SWT1: variants seen among roughly 807,000 people sequenced by gnomAD.
SWT1 encodes transcriptional protein SWT1.
In SWT1, 33 loss-of-function variants were observed where a neutral mutation model predicts 107.3. The ratio of observed to expected loss-of-function variants is 0.31; its 90% CI spans 0.23 to 0.41. SWT1 has a LOEUF of 0.41. SWT1 is among the 10% of genes least tolerant of loss of function. The pLI, the probability that SWT1 is intolerant of heterozygous loss-of-function variation, is 1.00. For missense variants in SWT1, 898 were observed against 1,028.9 expected (o/e 0.87, Z 1.74); for synonymous variants, 345 against 348.3 (o/e 0.99, Z 0.11).
intron 16 of SWT1, chr1:185,258,087 G>A (rs1359338263): frequency 1.3e-5 from 2 of 152,012 alleles, no homozygotes; most frequent in African/African-American, 4.8e-5. Context: ...ACATACTGTT[G>A]TTAGTTTTTC....
intron 16 of SWT1, among the ~76,000 whole-genome samples, chr1:185,259,137 TTTC>T (rs1234453057): frequency 6.6e-6 from 1 of 152,174 alleles, no homozygotes; most frequent in Non-Finnish European, 1.5e-5. Flanking sequence ...GGTGAAAGTT[TTTC>T]TTTTCACCCT....
At chr1:185,277,411 C>T (rs1204213648) in intron 18 of SWT1, among the ~76,000 whole-genome samples, 1 of 152,174 alleles carries the variant, frequency 6.6e-6, no homozygotes, top group African/African-American at 2.4e-5. Flanking sequence ...GCCTCACCCT[C>T]CCAAGTAGCT....
rs769503725 is a variant in SWT1 at position 185,204,664 on chromosome 1, C to G, written c.1670-36C>G. ...TTATATGTATAATAATTACTGTTAG[C>G]ATTCTAAATAAAGTCTGTAACTATT... On this transcript the variant is annotated intron_variant, in intron 11 of 18. Coordinates refer to ENST00000367500, the MANE Select transcript of SWT1 (RefSeq NM_017673.7). The G allele has an allele frequency of 2.4e-6, 3 of 1,247,470 alleles. No homozygotes were observed. The South Asian group carries it at 4.4e-5, about 18-fold the overall frequency. 77.3% of individuals were successfully genotyped at this position (1,247,470 alleles called of 1,614,324 possible). A position where few individuals can be genotyped will look rare whatever the true frequency, so the allele number is the denominator to read the frequency against.
intron 16 of SWT1, among the ~76,000 whole-genome samples, chr1:185,266,069 A>AT (rs1011560575): frequency 7.3e-5 from 11 of 149,980 alleles, no homozygotes; most frequent in African/African-American, 1.5e-4. Flanking sequence ...TTTAAATTTT[A>AT]TTTTTTTTTT....
intron 18 of SWT1, among the ~76,000 whole-genome samples, 200 bp downstream of exon 18, chr1:185,276,868 T>C (rs1664273251): frequency 6.6e-6 from 1 of 152,186 alleles, no homozygotes; most frequent in Non-Finnish European, 1.5e-5. Flanking sequence ...AGGTTTAAAG[T>C]GGTTCTCCAA....
chr1:185,179,923 C>T (rs879481044), intron 5 of SWT1, among the ~76,000 whole-genome samples: 16 of 152,176 alleles, frequency 1.1e-4, no homozygotes, highest in South Asian at 2.1e-4. Flanking sequence ...CTACGGCTCA[C>T]GCCTGTAATC....
In SWT1 at chr1:185,290,765, A is replaced by G. The variant is rs1336543213; in HGVS notation, c.2665A>G (p.Arg889Gly). 11 of 1,611,702 alleles carry G rather than the reference A, an allele frequency of 6.8e-6. No individual in the cohort carries two copies. The highest frequency in any genetic ancestry group is 1.3e-5 in the African/African-American group (1 of 74,810). The change falls in exon 19 of 19, where the codon AGG (arginine) becomes GGG (glycine). Residue 889 changes from arginine to glycine, a missense_variant. Physicochemically the swap from Arg to Gly is moderately radical, Grantham distance 125. Coordinates refer to ENST00000367500, the MANE Select transcript of SWT1 (RefSeq NM_017673.7). ...NASVYMEAKNRGWCEDMLNYR... is the reference protein window; with the variant it reads ...NASVYMEAKNGGWCEDMLNYR... ...ATCTGTTTATATGGAGGCCAAAAAC[A>G]GGGGATGGTGTGAAGACATGCTCAA...
At chr1:185,252,323 T>A (rs1662101934) in intron 16 of SWT1, among the ~76,000 whole-genome samples, 1 of 152,110 alleles carries the variant, frequency 6.6e-6, no homozygotes, top group South Asian at 2.1e-4. Flanking sequence ...GGTCAAATGG[T>A]ATTTCCAGTT....
At chr1:185,203,438 G>A (rs1044072748) in intron 11 of SWT1, among the ~76,000 whole-genome samples, 67 of 152,092 alleles carry the variant, frequency 4.4e-4, no homozygotes, top group African/African-American at 1.4e-3. Flanking sequence ...GGCCAACATG[G>A]GGAACCCCTG....
chr1:185,181,232 C>T (rs1655994842), intron 6 of SWT1, among the ~76,000 whole-genome samples: 1 of 152,204 alleles, frequency 6.6e-6, no homozygotes, highest in Non-Finnish European at 1.5e-5. Context: ...CATGCCACTG[C>T]ACTTCAGCCT....
rs188766464 is a variant in SWT1 at position 185,250,498 on chromosome 1, C to T, written c.2441+18790C>T. 2.0e-5 allele frequency among the ~76,000 whole-genome samples: 3 copies of T among 152,222 alleles called. No individual in the cohort carries two copies. The East Asian group carries it at 5.8e-4, about 29-fold the overall frequency. On this transcript the variant is annotated intron_variant, in intron 16 of 18. Coordinates refer to ENST00000367500, the MANE Select transcript of SWT1 (RefSeq NM_017673.7). ...TTTGGAACATTTCTTACATGTATCT[C>T]CAGATGCAGCCTACCACTCCTCTTC...
At chr1:185,187,850 G>A (rs577955813) in intron 9 of SWT1, among the ~76,000 whole-genome samples, 4 of 151,828 alleles carry the variant, frequency 2.6e-5, no homozygotes, top group East Asian at 1.9e-4. Context: ...CACCATGCCC[G>A]GCTAATTTTT....
At chr1:185,191,255 G>A (rs74134432) in intron 10 of SWT1, among the ~76,000 whole-genome samples, 2,525 of 152,080 alleles carry the variant, frequency 0.017, 62 homozygotes, top group African/African-American at 0.058. Flanking sequence ...CCTTCCCCCT[G>A]CTTCTTCCCT....
intron 14 of SWT1, among the ~76,000 whole-genome samples, chr1:185,214,902 A>T (rs937759542): frequency 6.6e-6 from 1 of 152,142 alleles, no homozygotes; most frequent in African/African-American, 2.4e-5. Context: ...TCACTTATGG[A>T]TGGAAGAAAG....
chr1:185,290,551 CATGTT>C (rs1665194611), intron 18 of SWT1, 118 bp from the exon 19 acceptor site: 2 of 558,918 alleles, frequency 3.6e-6, no homozygotes, highest in African/African-American at 3.9e-5. Context: ...TTCAGAATAT[CATGTT>C]ATACATAATA....
intron 18 of SWT1, chr1:185,281,007 C>A: frequency 5.7e-6 from 2 of 350,152 alleles, no homozygotes; most frequent in East Asian, 8.0e-5. Flanking sequence ...AGTTTTCAGT[C>A]CCTTTTTATG....
chr1:185,197,803 T>A (rs1657521357), intron 10 of SWT1, among the ~76,000 whole-genome samples: 1 of 152,140 alleles, frequency 6.6e-6, no homozygotes, highest in Non-Finnish European at 1.5e-5. Context: ...GGTGGTGATA[T>A]CCCCTTTATC....
chr1:185,208,930 G>T (rs1417520216), intron 13 of SWT1, among the ~76,000 whole-genome samples: 1 of 152,016 alleles, frequency 6.6e-6, no homozygotes, highest in Non-Finnish European at 1.5e-5. Context: ...GGTGCCTGAG[G>T]CTCAAAGTCA....
chr1:185,262,310 C>G (rs969347302), intron 16 of SWT1: 4 of 152,040 alleles, frequency 2.6e-5, no homozygotes, highest in African/African-American at 9.7e-5. Flanking sequence ...TTCTGGCTCC[C>G]TTTAGTACAT....
Sources: allele counts gnomAD v4.1 joint callset (sites outside exome capture counted in the v4.1 genomes callset), GRCh38; gene constraint gnomAD v4.1.1; transcripts MANE v1.5; gene names NCBI Gene and HGNC (gene_info 2026-07-23, HGNC 2026-07-21).